VTI1A: variants seen among roughly 807,000 people sequenced by gnomAD.
VTI1A encodes the protein vesicle transport through interaction with t-SNAREs homolog 1A.
A neutral mutation model predicts 34.9 loss-of-function variants in VTI1A; 22 were observed. That is an observed-to-expected ratio of 0.63 (90% CI 0.45 to 0.90). The LOEUF (loss-of-function observed/expected upper bound fraction) is 0.90, where lower values mean the gene tolerates loss of function less well. VTI1A is among the 40% of genes least tolerant of loss of function. The probability of loss-of-function intolerance (pLI) is 0.00; values close to 1 mark genes in which losing one functional copy is unlikely to be tolerated. For missense variants in VTI1A, 268 were observed against 275.6 expected, an observed-to-expected ratio of 0.97 and a Z score of 0.20; for synonymous variants, 87 against 97.3, an observed-to-expected ratio of 0.89 and a Z score of 0.62.
At chr10:112,460,004 A>C (rs1847678457) in intron 1 of VTI1A, among the ~76,000 whole-genome samples, 1 of 152,202 alleles carries the variant, frequency 6.6e-6, no homozygotes, top group Admixed American at 6.5e-5. Flanking sequence ...ATTGAGTGAG[A>C]TAGTAGCTTT....
At chr10:112,717,026 A>C (rs1244751994) in intron 7 of VTI1A, among the ~76,000 whole-genome samples, 4 of 152,170 alleles carry the variant, frequency 2.6e-5, no homozygotes, top group Non-Finnish European at 5.9e-5. Context: ...TGTGCTTGCT[A>C]TGTAAACGCA....
the VTI1A span, among the ~76,000 whole-genome samples, chr10:112,853,374 G>A: frequency 6.6e-6 from 1 of 152,162 alleles, no homozygotes; most frequent in African/African-American, 2.4e-5. Flanking sequence ...GTGATGCAGG[G>A]TCTGATAGTG....
At chr10:112,451,522 A>G (rs1341032837) in intron 1 of VTI1A, among the ~76,000 whole-genome samples, 1 of 152,186 alleles carries the variant, frequency 6.6e-6, no homozygotes, top group Non-Finnish European at 1.5e-5. Context: ...AAAGGAGGTA[A>G]GTGATTAGGG....
At chr10:112,586,948 C>G (rs1844184100) in intron 5 of VTI1A, among the ~76,000 whole-genome samples, 1 of 152,108 alleles carries the variant, frequency 6.6e-6, no homozygotes, top group Admixed American at 6.6e-5. Flanking sequence ...TCAGAAATTC[C>G]ACATCCATAA....
chr10:112,471,559 A>G (rs1848083342), intron 3 of VTI1A, among the ~76,000 whole-genome samples: 1 of 152,116 alleles, frequency 6.6e-6, no homozygotes, highest in Admixed American at 6.6e-5. Context: ...TGGAGCCAGA[A>G]TCAGAATCGA....
In VTI1A at chr10:112,767,163, T is replaced by G. The variant is rs1004204538; in HGVS notation, c.561-48127T>G. ...AATAATAGTAATAGCTAGCATTTATTGAGTGCCTTACTGTGTGTCAGGTAC... is the reference window on the plus strand; with the variant it reads ...AATAATAGTAATAGCTAGCATTTATGGAGTGCCTTACTGTGTGTCAGGTAC... On this transcript the variant is annotated intron_variant, in intron 7 of 7. Transcript: ENST00000393077. This position sits in a 1 kb window ranked among gnomAD's most constrained non-coding sequence, Gnocchi z 4.0. 1.3e-5 allele frequency among the ~76,000 whole-genome samples: 2 copies of G among 152,232 alleles called. No homozygotes were observed. The highest frequency in any genetic ancestry group is 4.8e-5 in the African/African-American group (2 of 41,464).
intron 3 of VTI1A, among the ~76,000 whole-genome samples, chr10:112,493,091 T>TTTG (rs1848891896): frequency 6.6e-6 from 1 of 152,232 alleles, no homozygotes; most frequent in Non-Finnish European, 1.5e-5. Flanking sequence ...AATTGCTATC[T>TTTG]TAAAAATACT....
chr10:112,842,046 TTTTCC>T, the VTI1A span, among the ~76,000 whole-genome samples: 886 of 137,384 alleles, frequency 6.4e-3, 25 homozygotes, highest in African/African-American at 0.024. Flanking sequence ...TCTTTTTTTT[TTTTCC>T]TTTTTTTTTT....
intron 3 of VTI1A, among the ~76,000 whole-genome samples, chr10:112,522,700 A>G (rs912710607): frequency 2.0e-5 from 3 of 152,068 alleles, no homozygotes; most frequent in Admixed American, 1.3e-4. Flanking sequence ...TTCCTCTCCT[A>G]TGCCTTGTGA....
chr10:112,731,194 G>A (rs1850244607), intron 7 of VTI1A, among the ~76,000 whole-genome samples: 1 of 152,126 alleles, frequency 6.6e-6, no homozygotes, highest in Admixed American at 6.5e-5. Context: ...ATAACATGAA[G>A]TTAGCTACAT....
chr10:112,828,252 G>A, the VTI1A span, among the ~76,000 whole-genome samples: 1 of 151,970 alleles, frequency 6.6e-6, no homozygotes, highest in African/African-American at 2.4e-5. Context: ...CATGATTCTG[G>A]GCTTCAGATA....
intron 7 of VTI1A, among the ~76,000 whole-genome samples, chr10:112,738,730 G>A (rs1229494189): frequency 6.6e-6 from 1 of 152,168 alleles, no homozygotes; most frequent in African/African-American, 2.4e-5. Context: ...CGACAGAACT[G>A]TGTTTACCTT....
In VTI1A at chr10:112,460,590, C is replaced by T. The variant is rs1847698408; in HGVS notation, c.153+8C>T. The T allele has an allele frequency of 1.3e-6, 2 of 1,592,014 alleles. No individual in the cohort carries two copies. Among genetic ancestry groups the T allele is most frequent in the Non-Finnish European group, 1.7e-6 (2 of 1,170,438 alleles). On this transcript the variant is annotated splice_region_variant and intron_variant, in intron 2 of 7. Coordinates refer to ENST00000393077, the MANE Select transcript of VTI1A (RefSeq NM_145206.4). Reference sequence around the variant, plus strand: ...GAAGAAGCGAAAGAACTGGTATGTACAGACAGTAATGTATTTTAACACACA... The same window carrying T: ...GAAGAAGCGAAAGAACTGGTATGTATAGACAGTAATGTATTTTAACACACA...
At chr10:112,848,018 A>T in the VTI1A span, among the ~76,000 whole-genome samples, 3 of 152,356 alleles carry the variant, frequency 2.0e-5, no homozygotes, top group Non-Finnish European at 2.9e-5. Flanking sequence ...ATGAGAAAAA[A>T]AATAATAAAC....
intron 7 of VTI1A, among the ~76,000 whole-genome samples, chr10:112,670,405 G>C (rs1187144552): frequency 6.6e-6 from 1 of 152,106 alleles, no homozygotes; most frequent in African/African-American, 2.4e-5. Context: ...TAATGGTATG[G>C]CTTAATCAGA....
intron 3 of VTI1A, among the ~76,000 whole-genome samples, chr10:112,496,562 C>G (rs1486141867): frequency 6.6e-6 from 1 of 151,438 alleles, no homozygotes; most frequent in South Asian, 2.1e-4. Context: ...CAGAGCAAGA[C>G]TCCATCTCAA....
intron 7 of VTI1A, among the ~76,000 whole-genome samples, chr10:112,729,668 G>A (rs1002523282): frequency 3.9e-5 from 6 of 152,160 alleles, no homozygotes; most frequent in East Asian, 3.9e-4. Context: ...GATCTCTTAC[G>A]AGGCACAAGC....
intron 3 of VTI1A, among the ~76,000 whole-genome samples, chr10:112,490,915 C>CT (rs1432420897): frequency 6.6e-6 from 1 of 152,098 alleles, no homozygotes; most frequent in Non-Finnish European, 1.5e-5. Flanking sequence ...AATAGGAACA[C>CT]AAAGTATTAT....
At chr10:112,573,759 G>T (rs1852226235) in intron 5 of VTI1A, among the ~76,000 whole-genome samples, 1 of 152,162 alleles carries the variant, frequency 6.6e-6, no homozygotes, top group African/African-American at 2.4e-5. Flanking sequence ...AGATCTAGTT[G>T]TGAAAGCCGT....
Sources: gnomAD v4.1 joint callset for allele counts (sites outside exome capture counted in the v4.1 genomes callset) on GRCh38, gnomAD v4.1.1 for gene constraint, Gnocchi (gnomAD v3.1) non-coding constraint, MANE v1.5 for transcripts, NCBI Gene and HGNC (gene_info 2026-07-23, HGNC 2026-07-21) for gene names.